The following CLIC5 variants were observed in gnomAD, a reference collection of about 807,000 sequenced individuals.
The protein encoded by CLIC5 is CLIC family member 5.
A neutral mutation model predicts 24.7 loss-of-function variants in CLIC5; 20 were observed. That is an observed-to-expected ratio of 0.81 (90% CI 0.57 to 1.18). CLIC5 has a LOEUF of 1.18. Ranked by LOEUF, CLIC5 falls within the 50% of genes most tolerant of loss-of-function variation. The pLI is 0.00. For synonymous variants in CLIC5, 159 were observed against 135.6 expected (o/e 1.17, Z -1.20); for missense variants, 341 against 326.1 (o/e 1.05, Z -0.35).
intron 1 of CLIC5, among the ~76,000 whole-genome samples, chr6:45,988,550 T>C (rs1031890831): frequency 6.6e-6 from 1 of 152,218 alleles, no homozygotes; most frequent in Non-Finnish European, 1.5e-5. Flanking sequence ...AGGAATCATC[T>C]GATCCAGCCA....
At chr6:46,108,032 CAAAAA>C in the CLIC5 span, among the ~76,000 whole-genome samples, 40 of 33,294 alleles carry the variant, frequency 1.2e-3, no homozygotes, top group South Asian at 3.6e-3. Context: ...AAAACTCCAT[CAAAAA>C]AAAAAAAAAA....
the CLIC5 span, among the ~76,000 whole-genome samples, chr6:46,122,352 G>A: frequency 6.6e-6 from 1 of 152,258 alleles, no homozygotes. Flanking sequence ...ACAAAATGAA[G>A]ACAGAAATAA....
chr6:46,066,032 A>G (rs1469369464), intron 1 of CLIC5, among the ~76,000 whole-genome samples: 2 of 152,234 alleles, frequency 1.3e-5, no homozygotes, highest in Admixed American at 1.3e-4. Flanking sequence ...ACTTGTACAC[A>G]TATTTGCTGG....
At chr6:46,110,271 C>T in the CLIC5 span, among the ~76,000 whole-genome samples, 3 of 152,188 alleles carry the variant, frequency 2.0e-5, no homozygotes, top group South Asian at 2.1e-4. Flanking sequence ...TCAGGGCCTT[C>T]GTAGCCTCCA....
chr6:46,078,983 A>T (rs1043571234), intron 1 of CLIC5, among the ~76,000 whole-genome samples: 3 of 152,200 alleles, frequency 2.0e-5, no homozygotes, highest in African/African-American at 7.2e-5. Flanking sequence ...AAATCACATA[A>T]ATATGAATAT....
intron 1 of CLIC5, among the ~76,000 whole-genome samples, chr6:45,981,937 G>T (rs1765581666): frequency 6.6e-6 from 1 of 151,690 alleles, no homozygotes; most frequent in Non-Finnish European, 1.5e-5. Flanking sequence ...GGCAGAGGTT[G>T]CAGTGAGCTG....
chr6:46,071,644 G>A (rs946714147), intron 1 of CLIC5, among the ~76,000 whole-genome samples: 17 of 152,172 alleles, frequency 1.1e-4, no homozygotes, highest in African/African-American at 3.9e-4. Context: ...TAGAGTGTAA[G>A]TTAGTTCAGC....
chr6:45,894,976 A>G (rs1762381343), downstream of CLIC5, among the ~76,000 whole-genome samples: 2 of 152,150 alleles, frequency 1.3e-5, no homozygotes, highest in African/African-American at 2.4e-5. Context: ...ATTGTTTATC[A>G]TGGGGACAGG....
chr6:45,895,681 C>T (rs189959703), downstream of CLIC5, among the ~76,000 whole-genome samples: 3 of 152,298 alleles, frequency 2.0e-5, no homozygotes, highest in African/African-American at 7.2e-5. Flanking sequence ...CAAGGTGAGG[C>T]ACGGCACAAA....
downstream of CLIC5, among the ~76,000 whole-genome samples, chr6:45,893,501 A>G (rs1428869927): frequency 2.0e-5 from 3 of 152,128 alleles, no homozygotes; most frequent in Non-Finnish European, 2.9e-5. Context: ...CTCTGATTTC[A>G]GGTTCTCTTG....
chr6:45,972,378 A>G (rs551393608), intron 1 of CLIC5, among the ~76,000 whole-genome samples: 1 of 152,316 alleles, frequency 6.6e-6, no homozygotes, highest in South Asian at 2.1e-4. Flanking sequence ...CCACTGCCAT[A>G]TCCTGTCTTC....
At chr6:46,061,649 G>A (rs1762287454) in intron 1 of CLIC5, among the ~76,000 whole-genome samples, 1 of 152,242 alleles carries the variant, frequency 6.6e-6, no homozygotes, top group African/African-American at 2.4e-5. Flanking sequence ...TGGCCAAAGA[G>A]AGACACTTAA....
chr6:45,889,467 G>A (rs771929222), intron 6 of CLIC5, among the ~76,000 whole-genome samples: 3 of 152,152 alleles, frequency 2.0e-5, no homozygotes, highest in Non-Finnish European at 4.4e-5. Context: ...AATACATTAA[G>A]TGGAAAATGT....
rs1488963830 is a variant in CLIC5, at chr6:45,902,281, T to C, written c.*807A>G. 4 of 152,792 alleles carry C rather than the reference T, an allele frequency of 2.6e-5. No individual in the cohort carries two copies. The highest frequency in any genetic ancestry group is 5.9e-5 in the Non-Finnish European group (4 of 68,138). 9.5% of individuals were successfully genotyped at this position (152,792 alleles called of 1,614,324 possible). A position where few individuals can be genotyped will look rare whatever the true frequency, so the allele number is the denominator to read the frequency against. On this transcript the variant is annotated 3_prime_UTR_variant, in exon 6 of 6. Transcript: ENST00000339561. ...TAATCACCTCTGAAACAACTACTCCTAAGCAAGCAAACCCCATGGCTGGTA... is the reference window on the plus strand; with the variant it reads ...TAATCACCTCTGAAACAACTACTCCCAAGCAAGCAAACCCCATGGCTGGTA...
intron 1 of CLIC5, among the ~76,000 whole-genome samples, chr6:45,986,348 G>C (rs756839488): frequency 3.3e-5 from 5 of 152,172 alleles, no homozygotes; most frequent in Non-Finnish European, 7.4e-5. Context: ...AGGAGCACTA[G>C]GTTAGGAGTC....
intron 1 of CLIC5, among the ~76,000 whole-genome samples, chr6:46,029,405 C>T (rs902751250): frequency 3.3e-5 from 5 of 152,268 alleles, no homozygotes; most frequent in Non-Finnish European, 5.9e-5. Flanking sequence ...TTCTTATTAT[C>T]CCCATTTCAA....
At chr6:45,937,701 T>A (rs1481099705) in intron 4 of CLIC5, 1 of 152,220 alleles carries the variant, frequency 6.6e-6, no homozygotes, top group Non-Finnish European at 1.5e-5. Context: ...TAACTTGTGG[T>A]TTTTTGAATG....
the CLIC5 span, among the ~76,000 whole-genome samples, chr6:46,126,953 AT>A: frequency 6.6e-6 from 1 of 152,208 alleles, no homozygotes; most frequent in African/African-American, 2.4e-5. Flanking sequence ...ACAGGATAAG[AT>A]TTTTAAAATA....
At chr6:46,022,011 T>C (rs1422762543) in intron 1 of CLIC5, among the ~76,000 whole-genome samples, 1 of 152,260 alleles carries the variant, frequency 6.6e-6, no homozygotes, top group Non-Finnish European at 1.5e-5. Context: ...CCACACAGTC[T>C]TTGCTTCAAA....
Sources: allele counts gnomAD v4.1 joint callset (sites outside exome capture counted in the v4.1 genomes callset), GRCh38; gene constraint gnomAD v4.1.1; transcripts MANE v1.5; gene names NCBI Gene and HGNC (gene_info 2026-07-23, HGNC 2026-07-21).